The following LSM2 variants were observed in gnomAD, a reference collection of about 807,000 sequenced individuals.
LSM2 encodes LSM2 homolog, U6 small nuclear RNA and mRNA degradation associated.
A neutral mutation model predicts 17.0 loss-of-function variants in LSM2; 12 were observed. The ratio of observed to expected loss-of-function variants is 0.70; its 90% CI spans 0.45 to 1.14. The LOEUF (loss-of-function observed/expected upper bound fraction) is 1.14. Among genes scored for constraint, LSM2 ranks in the 50% most tolerant of loss-of-function variants. The pLI is 0.00. For missense variants in LSM2, 62 were observed against 111.8 expected (o/e 0.55, Z 2.01); for synonymous variants, 42 against 44.5 (o/e 0.94, Z 0.22).
Position 31,797,660 on chromosome 6 carries a change from C to A in LSM2, c.*97G>T. The stretch of plus-strand genomic sequence containing the variant: ...CACAAAACCATCATTAGTAAAAAAA[C>A]AAAACCCCTTCAAGTATTGGGGGTT... On this transcript the variant is annotated 3_prime_UTR_variant, in exon 5 of 5. Transcript: ENST00000375661. 2 of 1,563,848 alleles carry A rather than the reference C, an allele frequency of 1.3e-6. No individual in the cohort carries two copies. Among genetic ancestry groups the A allele is most frequent in the Non-Finnish European group, 1.7e-6 (2 of 1,153,804 alleles).
At chr6:31,804,038 C>T (rs117254600) in intron 2 of LSM2, among the ~76,000 whole-genome samples, 1,951 of 152,178 alleles carry the variant, frequency 0.013, 83 homozygotes, top group Admixed American at 0.086. Flanking sequence ...GGCACTGTCT[C>T]TAATTTTTAA....
At chr6:31,799,910 T>G (rs1461463687) in intron 2 of LSM2, among the ~76,000 whole-genome samples, 2 of 152,118 alleles carry the variant, frequency 1.3e-5, no homozygotes, top group Admixed American at 6.6e-5. Flanking sequence ...AAAACAGCCT[T>G]TGGCTGGGAA....
chr6:31,800,916 C>T (rs1440085137), intron 2 of LSM2, among the ~76,000 whole-genome samples: 1 of 150,678 alleles, frequency 6.6e-6, no homozygotes, highest in Non-Finnish European at 1.5e-5. Flanking sequence ...ATTAGCTGGG[C>T]ATTGTGGTGT....
At chr6:31,801,095 C>T in intron 2 of LSM2, among the ~76,000 whole-genome samples, 1 of 144,230 alleles carries the variant, frequency 6.9e-6, no homozygotes, top group Non-Finnish European at 1.5e-5. Flanking sequence ...CATTTGAACA[C>T]AGGAGGTAGA....
intron 2 of LSM2, among the ~76,000 whole-genome samples, chr6:31,802,204 CA>C (rs1814752015): frequency 6.6e-6 from 1 of 150,556 alleles, no homozygotes; most frequent in South Asian, 2.1e-4. Flanking sequence ...CACTTGAACC[CA>C]GGCAGCAGAG....
chr6:31,800,714 C>T (rs1017666176), intron 2 of LSM2, among the ~76,000 whole-genome samples: 12 of 151,994 alleles, frequency 7.9e-5, no homozygotes, highest in Non-Finnish European at 1.6e-4. Flanking sequence ...GGTGAAACCC[C>T]GTCTCTACTA....
At position 31,798,491 on chromosome 6, in the gene LSM2, G is replaced by A. The variant is rs1164761137; in HGVS notation, c.88C>T (p.His30Tyr). The A allele has an allele frequency of 6.2e-7, 1 of 1,612,828 alleles. No individual in the cohort carries two copies. Among genetic ancestry groups the A allele is most frequent in the Non-Finnish European group, 8.5e-7 (1 of 1,180,024 alleles). Residue 30 changes from histidine to tyrosine, a missense_variant, in exon 3 of 5, where the codon CAT becomes TAT. Transcript: ENST00000375661. ...CTATATCTCACCTGATCCACAGAAT[G>A]GAGGGTTCCACAGATGCTGTCAAGG... Reference protein sequence around the residue: ...KNDLSICGTLHSVDQYLNIKL... With the variant: ...KNDLSICGTLYSVDQYLNIKL...
In LSM2 at chr6:31,806,910, G is replaced by T; in HGVS notation, c.-153C>A. On this transcript the variant is annotated 5_prime_UTR_variant, in exon 1 of 5. Coordinates refer to ENST00000375661, the MANE Select transcript of LSM2 (RefSeq NM_021177.5). ...ACGCAGAAAGCTCCAAGCGCTGACG[G>T]GCAAAGCGCGGCCGACTTGCGGCTG... 1.9e-6 allele frequency: 2 copies of T among 1,028,992 alleles called. No individual in the cohort carries two copies. Among genetic ancestry groups the T allele is most frequent in the South Asian group, 1.7e-5 (1 of 58,842 alleles). The allele number at this position is 1,028,992 out of a possible 1,614,324, so 63.7% of individuals were successfully genotyped here.
intron 2 of LSM2, among the ~76,000 whole-genome samples, chr6:31,803,547 G>C (rs1462286526): frequency 1.3e-5 from 2 of 151,672 alleles, no homozygotes; most frequent in East Asian, 1.9e-4. Context: ...CTTTCTAAAG[G>C]ATAATGAGGT....
intron 1 of LSM2, chr6:31,806,452 G>T: frequency 1.7e-6 from 1 of 603,856 alleles, no homozygotes. Context: ...ATGAATTGTA[G>T]AAAATATCCC....
intron 3 of LSM2, 57 bp from the exon 4 acceptor site, chr6:31,798,106 A>T: frequency 7.2e-7 from 1 of 1,397,326 alleles, no homozygotes; most frequent in Admixed American, 2.8e-5. Context: ...TTGAGACAAG[A>T]GTTTTGCTCT....
chr6:31,798,463 G>A lies in LSM2; in HGVS notation c.102+14C>T, dbSNP rs759213439. ...TCTCCAGGAACCAATTCTGGGGCCC[G>A]TGCTATATCTCACCTGATCCACAGA... On this transcript the variant is annotated intron_variant, in intron 3 of 4. Coordinates refer to ENST00000375661, the MANE Select transcript of LSM2 (RefSeq NM_021177.5). 1.1e-5 allele frequency: 18 copies of A among 1,612,846 alleles called. No individual in the cohort carries two copies. Among genetic ancestry groups the A allele is most frequent in the Middle Eastern group, 1.7e-4 (1 of 6,038 alleles).
intron 2 of LSM2, among the ~76,000 whole-genome samples, chr6:31,805,247 A>G (rs1377065671): frequency 6.6e-6 from 1 of 151,298 alleles, no homozygotes; most frequent in Non-Finnish European, 1.5e-5. Flanking sequence ...ATAGAAATAG[A>G]GGTCTCATCA....
intron 2 of LSM2, among the ~76,000 whole-genome samples, chr6:31,803,173 C>T (rs1814817499): frequency 6.6e-6 from 1 of 152,074 alleles, no homozygotes; most frequent in South Asian, 2.1e-4. Flanking sequence ...CCCTTAAGTC[C>T]CTCTCCTCAC....
chr6:31,803,320 A>G (rs1037227995), intron 2 of LSM2, among the ~76,000 whole-genome samples: 1 of 152,118 alleles, frequency 6.6e-6, no homozygotes, highest in East Asian at 1.9e-4. Flanking sequence ...CTTGAGCCCA[A>G]GAGTTTCAGA....
Position 31,806,809 on chromosome 6 carries a change from C to A in LSM2, c.-52G>T. 6.3e-7 allele frequency: 1 copy of A among 1,594,736 alleles called. No individual in the cohort carries two copies. The highest frequency in any genetic ancestry group is 8.5e-7 in the Non-Finnish European group (1 of 1,172,518). ...GGACCGGGAAGACAGCAGGGTGCTG[C>A]GAGCAGGTCTGGGGAAACCGAAGCG... On this transcript the variant is annotated 5_prime_UTR_variant, in exon 1 of 5. Coordinates refer to ENST00000375661, the MANE Select transcript of LSM2 (RefSeq NM_021177.5).
intron 1 of LSM2, 24 bp downstream of exon 1, chr6:31,806,731 C>T (rs1476004061): frequency 1.9e-6 from 3 of 1,609,422 alleles, no homozygotes; most frequent in Non-Finnish European, 2.5e-6. Flanking sequence ...CGAGGGCGCC[C>T]CCTTTTGACG....
intron 2 of LSM2, among the ~76,000 whole-genome samples, chr6:31,800,128 A>AG (rs1163700810): frequency 5.3e-5 from 8 of 152,054 alleles, no homozygotes; most frequent in Admixed American, 5.2e-4. Flanking sequence ...CGAGGTCAGG[A>AG]GTTCGACACC....
chr6:31,806,180 G>T, intron 1 of LSM2, 38 bp from the exon 2 acceptor site: 1 of 1,589,564 alleles, frequency 6.3e-7, no homozygotes, highest in Non-Finnish European at 8.6e-7. Context: ...ATGTGGGAAG[G>T]AGCATGGTAG....
Sources: allele counts gnomAD v4.1 joint callset (sites outside exome capture counted in the v4.1 genomes callset), GRCh38; gene constraint gnomAD v4.1.1; transcripts MANE v1.5; gene names NCBI Gene and HGNC (gene_info 2026-07-23, HGNC 2026-07-21).